The following HMCN1 variants were observed in gnomAD, a reference collection of about 807,000 sequenced individuals.
HMCN1 encodes the protein hemicentin 1, also known as hemicentin-1.
A neutral mutation model predicts 625.9 loss-of-function variants in HMCN1; 321 were observed. The ratio of observed to expected loss-of-function variants is 0.51; its 90% CI spans 0.47 to 0.56. HMCN1 has a LOEUF of 0.56. HMCN1 is among the 20% of genes least tolerant of loss of function. The pLI, the probability that HMCN1 is intolerant of heterozygous loss-of-function variation, is 0.00. For synonymous variants in HMCN1, 2,425 were observed against 2,417.6 expected, an observed-to-expected ratio of 1.00 and a Z score of -0.09; for missense variants, 6,588 against 6,887.3, an observed-to-expected ratio of 0.96 and a Z score of 1.54.
At chr1:185,863,762 A>G (rs939359049) in intron 2 of HMCN1, among the ~76,000 whole-genome samples, 1 of 152,222 alleles carries the variant, frequency 6.6e-6, no homozygotes, top group Non-Finnish European at 1.5e-5. Flanking sequence ...AAAATAAAAC[A>G]CAGAGATTAT....
At chr1:185,884,972 G>A (rs925472757) in intron 4 of HMCN1, among the ~76,000 whole-genome samples, 16 of 151,788 alleles carry the variant, frequency 1.1e-4, no homozygotes, top group African/African-American at 3.1e-4. Context: ...AACAGAAGAC[G>A]TATACTCTTA....
At chr1:186,062,706 C>A in intron 48 of HMCN1, 106 bp downstream of exon 48, 1 of 744,208 alleles carries the variant, frequency 1.3e-6, no homozygotes, top group Non-Finnish European at 2.4e-6. Context: ...GGTACAAGTG[C>A]GGTTTTGTTA....
intron 22 of HMCN1, among the ~76,000 whole-genome samples, chr1:185,992,049 G>A (rs1362177345): frequency 2.6e-5 from 4 of 152,134 alleles, no homozygotes; most frequent in South Asian, 2.1e-4. Flanking sequence ...ACACTTTTAC[G>A]TGTTTGTTGG....
At chr1:185,861,670 A>G (rs1662883304) in intron 2 of HMCN1, among the ~76,000 whole-genome samples, 1 of 152,204 alleles carries the variant, frequency 6.6e-6, no homozygotes, top group African/African-American at 2.4e-5. Flanking sequence ...ATTTTCATTC[A>G]AGGTCATTGT....
chr1:185,917,989 C>T (rs1666807120), intron 6 of HMCN1, among the ~76,000 whole-genome samples: 1 of 152,104 alleles, frequency 6.6e-6, no homozygotes, highest in Non-Finnish European at 1.5e-5. Flanking sequence ...GTCAAGGCTA[C>T]CTATTTACAA....
intron 2 of HMCN1, among the ~76,000 whole-genome samples, chr1:185,849,786 CTTGA>C (rs1662053351): frequency 6.6e-6 from 1 of 151,906 alleles, no homozygotes; most frequent in African/African-American, 2.4e-5. Flanking sequence ...ATAATTATCT[CTTGA>C]TTATTTTTCT....
In HMCN1 at chr1:186,012,246, G is replaced by A. The variant is rs533214706; in HGVS notation, c.4631-2913G>A. ...TAAGCCTTTTTTTTTTTGCTTCAAC[G>A]TATATTTTTACCAACATCAATTGTA... On this transcript the variant is annotated intron_variant, in intron 30 of 106. Coordinates refer to ENST00000271588, the MANE Select transcript of HMCN1 (RefSeq NM_031935.3). 3.3e-5 allele frequency among the ~76,000 whole-genome samples: 5 copies of A among 149,646 alleles called. No individual in the cohort carries two copies. In the South Asian group the frequency reaches 6.3e-4, roughly 19 times the overall value.
chr1:185,868,306 G>A (rs189016534), intron 4 of HMCN1, among the ~76,000 whole-genome samples: 16 of 152,196 alleles, frequency 1.1e-4, no homozygotes, highest in East Asian at 3.9e-4. Flanking sequence ...GCCCTAGAGC[G>A]TTTATTAAAT....
chr1:185,933,968 C>A, intron 11 of HMCN1, 144 bp downstream of exon 11: 1 of 761,370 alleles, frequency 1.3e-6, no homozygotes, highest in Non-Finnish European at 2.3e-6. Flanking sequence ...TTAACATACT[C>A]AGTGGTCTAC....
chr1:186,018,763 A>G (rs1406707889), intron 34 of HMCN1, among the ~76,000 whole-genome samples: 1 of 152,022 alleles, frequency 6.6e-6, no homozygotes, highest in Non-Finnish European at 1.5e-5. Flanking sequence ...TGGTGAATAC[A>G]GTAGTTTCCA....
intron 44 of HMCN1, among the ~76,000 whole-genome samples, chr1:186,054,398 T>G (rs1174720857): frequency 6.6e-6 from 1 of 152,040 alleles, no homozygotes. Flanking sequence ...TCACATGAGC[T>G]GTTATATAAG....
At chr1:186,147,118 C>T (rs1434372548) in intron 93 of HMCN1, among the ~76,000 whole-genome samples, 1 of 152,202 alleles carries the variant, frequency 6.6e-6, no homozygotes, top group African/African-American at 2.4e-5. Flanking sequence ...TTCCATTACT[C>T]TCTACGCTTT....
rs569160441 is a variant in HMCN1, at chr1:185,942,115, C to T, written c.1828+8291C>T. Among the ~76,000 whole-genome samples, 19 of 148,604 alleles carry T rather than the reference C, an allele frequency of 1.3e-4. No individual in the cohort carries two copies. In the East Asian group the frequency reaches 1.4e-3, roughly 11 times the overall value. On this transcript the variant is annotated intron_variant, in intron 11 of 106. Transcript: ENST00000271588. ...ATGAGGCGGGAGAATCACTTACACC[C>T]GGGAGGCGGAGGTTGTAGTGAGCCG...
At chr1:185,904,461 T>TA (rs1665985082) in intron 4 of HMCN1, among the ~76,000 whole-genome samples, 1 of 151,906 alleles carries the variant, frequency 6.6e-6, no homozygotes, top group African/African-American at 2.4e-5. Context: ...AAAATAGTGA[T>TA]AAAAATATAC....
chr1:186,054,112 A>G, intron 44 of HMCN1, 126 bp downstream of exon 44: 1 of 948,522 alleles, frequency 1.1e-6, no homozygotes, highest in South Asian at 1.4e-5. Context: ...CATATGACAC[A>G]CACATTTAAA....
chr1:185,778,211 G>C (rs1163248225), intron 1 of HMCN1, among the ~76,000 whole-genome samples: 1 of 152,166 alleles, frequency 6.6e-6, no homozygotes, highest in Non-Finnish European at 1.5e-5. Flanking sequence ...TTTTTAGTCA[G>C]TGAGGGACAA....
Position 185,793,167 on chromosome 1 carries a change from TAATA to T in HMCN1, c.269-52855_269-52852del, listed in dbSNP as rs1167295356. On this transcript the variant is annotated intron_variant, in intron 1 of 106. Transcript: ENST00000271588. ...CTATATTAGTTTTCTATTATTGCTG[TAATA>T]AATTACCATGAATTTAGAGGCTTTA... 3.9e-5 allele frequency among the ~76,000 whole-genome samples: 6 copies of T among 152,234 alleles called. No homozygotes were observed. The South Asian group carries it at 1.2e-3, about 32-fold the overall frequency.
intron 1 of HMCN1, among the ~76,000 whole-genome samples, chr1:185,778,853 A>G (rs187270630): frequency 1.1e-4 from 17 of 152,286 alleles, no homozygotes; most frequent in African/African-American, 3.6e-4. Flanking sequence ...TCCTTTGGGT[A>G]TATACCCAGT....
intron 68 of HMCN1, among the ~76,000 whole-genome samples, chr1:186,098,148 A>T (rs1660221802): frequency 1.3e-5 from 2 of 152,070 alleles, no homozygotes; most frequent in Admixed American, 1.3e-4. Context: ...CTAGGCAAGG[A>T]TTTTTCTGGA....
Sources: gnomAD v4.1 joint callset for allele counts (sites outside exome capture counted in the v4.1 genomes callset) on GRCh38, gnomAD v4.1.1 for gene constraint, MANE v1.5 for transcripts, NCBI Gene and HGNC (gene_info 2026-07-23, HGNC 2026-07-21) for gene names.